Variants in PRIM2 observed in about 807,000 individuals in gnomAD.
PRIM2 encodes the protein DNA primase subunit 2, also known as DNA primase large subunit.
PRIM2 carries 39 observed loss-of-function variants against 67.3 expected under a neutral mutation model. The observed-to-expected ratio is 0.58, with a 90% CI of 0.45 to 0.76. The LOEUF (loss-of-function observed/expected upper bound fraction) is 0.76, where lower values mean the gene tolerates loss of function less well. Ranked by LOEUF, PRIM2 falls within the 30% of genes least tolerant of loss-of-function variation. PRIM2 has a pLI of 0.00. For missense variants in PRIM2, 398 were observed against 598.7 expected, an observed-to-expected ratio of 0.66 and a Z score of 3.50; for synonymous variants, 143 against 198.7, an observed-to-expected ratio of 0.72 and a Z score of 2.36.
chr6:57,411,433 G>A (rs1191606510), intron 7 of PRIM2, among the ~76,000 whole-genome samples: 5 of 151,346 alleles, frequency 3.3e-5, no homozygotes. Context: ...TCTATAAAAA[G>A]TATGATTAAT....
chr6:57,473,326 C>T (rs1773382718), intron 7 of PRIM2, among the ~76,000 whole-genome samples: 1 of 152,202 alleles, frequency 6.6e-6, no homozygotes, highest in Non-Finnish European at 1.5e-5. Flanking sequence ...AGTATTTATG[C>T]ACCAGATGTT....
chr6:57,444,627 T>G (rs1772309101), intron 7 of PRIM2, among the ~76,000 whole-genome samples: 1 of 152,042 alleles, frequency 6.6e-6, no homozygotes. Flanking sequence ...TCGTTACTTG[T>G]AGGAATGGCA....
chr6:57,403,269 T>A (rs1377925497), intron 7 of PRIM2, among the ~76,000 whole-genome samples: 1 of 148,438 alleles, frequency 6.7e-6, no homozygotes, highest in African/African-American at 2.5e-5. Flanking sequence ...TTTTTTTTTT[T>A]TTTTGGAGAT....
At chr6:57,357,074 C>T (rs1286777661) in intron 5 of PRIM2, among the ~76,000 whole-genome samples, 1 of 151,964 alleles carries the variant, frequency 6.6e-6, no homozygotes, top group East Asian at 1.9e-4. Flanking sequence ...GCTGGGACTA[C>T]AGGCGCACAC....
the PRIM2 span, among the ~76,000 whole-genome samples, chr6:57,283,858 C>T: frequency 2.2e-4 from 34 of 152,096 alleles, no homozygotes; most frequent in Admixed American, 7.2e-4. Context: ...TCTTAAAGTA[C>T]CTAGTCATCA....
intron 7 of PRIM2, among the ~76,000 whole-genome samples, chr6:57,400,683 T>A (rs1770677458): frequency 6.6e-6 from 1 of 152,250 alleles, no homozygotes; most frequent in Non-Finnish European, 1.5e-5. Flanking sequence ...GATGATATTC[T>A]GAAATATGTT....
intron 7 of PRIM2, among the ~76,000 whole-genome samples, chr6:57,479,730 G>A (rs1428829929): frequency 6.6e-6 from 1 of 152,144 alleles, no homozygotes; most frequent in African/African-American, 2.4e-5. Context: ...TAAAGACCTG[G>A]CAACATTTTT....
At chr6:57,439,484 C>T (rs1481239748) in intron 7 of PRIM2, among the ~76,000 whole-genome samples, 1 of 140,320 alleles carries the variant, frequency 7.1e-6, no homozygotes, top group Non-Finnish European at 1.5e-5. Flanking sequence ...GGCACCATCA[C>T]GGCTCACTGC....
intron 7 of PRIM2, among the ~76,000 whole-genome samples, chr6:57,478,066 G>T (rs1773518337): frequency 6.6e-6 from 1 of 152,106 alleles, no homozygotes; most frequent in African/African-American, 2.4e-5. Flanking sequence ...AATACTATGA[G>T]GTGTAGAGAT....
At chr6:57,337,588 A>C (rs531000413) in intron 5 of PRIM2, among the ~76,000 whole-genome samples, 8,425 of 152,084 alleles carry the variant, frequency 0.055, 731 homozygotes, top group African/African-American at 0.19. Flanking sequence ...ATGGAAACTG[A>C]ACAACCTGCT....
intron 10 of PRIM2, among the ~76,000 whole-genome samples, chr6:57,573,052 G>A (rs1336841751): frequency 6.6e-6 from 1 of 152,142 alleles, no homozygotes; most frequent in East Asian, 1.9e-4. Context: ...TCAAGCTCTT[G>A]GGCTCAAGCA....
the PRIM2 span, among the ~76,000 whole-genome samples, chr6:57,292,459 C>T: frequency 0.019 from 2,837 of 152,212 alleles, 99 homozygotes; most frequent in African/African-American, 0.065. Flanking sequence ...CCCCATCAAG[C>T]TACCAATGAC....
chr6:57,563,980 AT>A (rs1775689082), intron 10 of PRIM2, among the ~76,000 whole-genome samples: 1 of 152,184 alleles, frequency 6.6e-6, no homozygotes, highest in African/African-American at 2.4e-5. Flanking sequence ...TTTAAATTTT[AT>A]GTGAATTTCC....
At chr6:57,548,750 A>G (rs1298692191) in intron 10 of PRIM2, among the ~76,000 whole-genome samples, 4 of 152,146 alleles carry the variant, frequency 2.6e-5, no homozygotes, top group Non-Finnish European at 4.4e-5. Flanking sequence ...ATGAATTGGT[A>G]AAGGAGTGTT....
upstream of PRIM2, among the ~76,000 whole-genome samples, chr6:57,310,995 C>T (rs1156294697): frequency 4.7e-5 from 7 of 148,548 alleles, no homozygotes; most frequent in South Asian, 2.2e-4. Flanking sequence ...CGGGCAGAGA[C>T]GCCCCTCACT....
chr6:57,574,676 G>A (rs1312380939), intron 10 of PRIM2, among the ~76,000 whole-genome samples: 7 of 150,742 alleles, frequency 4.6e-5, no homozygotes, highest in South Asian at 2.1e-4. Context: ...GACTGAGACC[G>A]TTGGGGTCTG....
intron 7 of PRIM2, among the ~76,000 whole-genome samples, chr6:57,483,136 G>T (rs1382425091): frequency 6.6e-6 from 1 of 152,108 alleles, no homozygotes; most frequent in Non-Finnish European, 1.5e-5. Context: ...TCAAACTCCT[G>T]ACCTCAGGTG....
chr6:57,321,543 A>G (rs1173825935), intron 3 of PRIM2, among the ~76,000 whole-genome samples: 1 of 152,142 alleles, frequency 6.6e-6, no homozygotes, highest in East Asian at 1.9e-4. Context: ...GTAAAGTGGA[A>G]TTGGAGGAAT....
At chr6:57,503,610 A>C (rs1269349267) in intron 7 of PRIM2, among the ~76,000 whole-genome samples, 6 of 152,106 alleles carry the variant, frequency 3.9e-5, no homozygotes, top group Non-Finnish European at 7.4e-5. Flanking sequence ...TTAGCTGGGC[A>C]TGGTGGCACA....
Sources: gnomAD v4.1 joint callset for allele counts (sites outside exome capture counted in the v4.1 genomes callset) on GRCh38, gnomAD v4.1.1 for gene constraint, MANE v1.5 for transcripts, NCBI Gene and HGNC (gene_info 2026-07-23, HGNC 2026-07-21) for gene names.